The following TMEM94 variants were observed in gnomAD, a reference collection of about 807,000 sequenced individuals.
TMEM94 encodes the protein ER Mg2+ ATPase.
In TMEM94, 81 loss-of-function variants were observed where a neutral mutation model predicts 158.6. That is an observed-to-expected ratio of 0.51 (90% confidence interval 0.43 to 0.61). TMEM94 has a LOEUF of 0.61. Among genes scored for constraint, TMEM94 ranks in the 20% least tolerant of loss-of-function variants. TMEM94 has a pLI of 0.00. For missense variants in TMEM94, 1,435 were observed against 1,762.0 expected (o/e 0.81, Z 3.32); for synonymous variants, 751 against 730.7 (o/e 1.03, Z -0.45).
At chr17:75,472,159 G>A (rs998811600) in intron 2 of TMEM94, among the ~76,000 whole-genome samples, 1 of 152,284 alleles carries the variant, frequency 6.6e-6, no homozygotes, top group Middle Eastern at 3.4e-3. Context: ...AACCGCATGG[G>A]AGCAGGGTTT....
At chr17:75,476,975 G>C (rs1274133593) in intron 2 of TMEM94, among the ~76,000 whole-genome samples, 1 of 152,174 alleles carries the variant, frequency 6.6e-6, no homozygotes, top group Non-Finnish European at 1.5e-5. Flanking sequence ...CCCAGAGCAG[G>C]ACTGGACCCA....
In TMEM94 at chr17:75,482,232, G is replaced by A. The variant is rs181847390; in HGVS notation, c.25-3196G>A. Among the ~76,000 whole-genome samples the A allele has an allele frequency of 3.0e-3, 458 of 152,212 alleles. 2 individuals carry two copies. The highest frequency in any genetic ancestry group is 0.01 in the African/African-American group (433 of 41,534). On this transcript the variant is annotated intron_variant, in intron 2 of 31. Transcript: ENST00000314256. The stretch of plus-strand genomic sequence containing the variant: ...GTGGCAGCATGTGCCTGTAGTCCCA[G>A]CTGCTCGGGAGGCTGAGGCAGGAGA...
chr17:75,475,275 C>T (rs2050639634), intron 2 of TMEM94, among the ~76,000 whole-genome samples: 1 of 152,192 alleles, frequency 6.6e-6, no homozygotes, highest in African/African-American at 2.4e-5. Context: ...TCTCACTCAG[C>T]ACTCTGTTTG....
intron 1 of TMEM94, among the ~76,000 whole-genome samples, chr17:75,462,680 T>G (rs2146035097): frequency 6.7e-6 from 1 of 150,342 alleles, no homozygotes; most frequent in African/African-American, 2.4e-5. Context: ...CCATCTCTAT[T>G]AAAAAAAATT....
At chr17:75,472,251 G>A (rs1312122545) in intron 2 of TMEM94, among the ~76,000 whole-genome samples, 3 of 152,304 alleles carry the variant, frequency 2.0e-5, no homozygotes, top group East Asian at 1.9e-4. Context: ...TTGCTAGGGC[G>A]ATGTCCTAAC....
chr17:75,491,331 T>C lies in TMEM94; in HGVS notation c.1262T>C (p.Ile421Thr). 3 of 1,614,114 alleles carry C rather than the reference T, an allele frequency of 1.9e-6. No homozygotes were observed. The highest frequency in any genetic ancestry group is 2.5e-6 in the Non-Finnish European group (3 of 1,180,008). ...TVLCCVDKQGILSWPNPSPET... is the reference protein window; with the variant it reads ...TVLCCVDKQGTLSWPNPSPET... ...CTGTGCTGTGTGGACAAACAGGGGA[T>C]CCTGTCATGGCCAAATCCCAGCCCA... The change falls in exon 13 of 32, where the codon ATC (isoleucine) becomes ACC (threonine). Residue 421 changes from isoleucine (I) to threonine (T), a missense_variant. Transcript: ENST00000314256. The surrounding 1 kb of genome is among the most constrained non-coding windows in gnomAD (Gnocchi z 5.1).
chr17:75,490,307 C>T lies in TMEM94; in HGVS notation c.1028C>T (p.Ala343Val). 1 of 1,614,124 alleles carries T rather than the reference C, an allele frequency of 6.2e-7. No individual in the cohort carries two copies. The highest frequency in any genetic ancestry group is 8.5e-7 in the Non-Finnish European group (1 of 1,180,030). ...GTTCTGGCAACTGCCTGTGGAGAGG[C>T]CCGTGTCCTGGCCCAGATGAGCAAG... ...LWVLATACGE[A>V]RVLAQMSKAS... is the part of the protein sequence containing the mutation. Residue 343 changes from alanine (A) to valine (V), a missense_variant, in exon 10 of 32, where the codon GCC becomes GTC. Transcript: ENST00000314256.
chr17:75,460,501 A>G (rs2050028335), intron 1 of TMEM94, among the ~76,000 whole-genome samples: 1 of 151,580 alleles, frequency 6.6e-6, no homozygotes, highest in African/African-American at 2.4e-5. Flanking sequence ...CAAAATCAGA[A>G]TCAGGAGCTG....
rs771484655 is a variant in TMEM94, at chr17:75,492,767, C to G, written c.1890C>G (p.Leu630=). The G allele has an allele frequency of 1.9e-6, 3 of 1,607,126 alleles. No homozygotes were observed. Among genetic ancestry groups the G allele is most frequent in the Non-Finnish European group, 2.5e-6 (3 of 1,179,440 alleles). ...AVLPVHVPWG[L]CELARLIGFT... ...TGCCCGTCCATGTGCCCTGGGGCCT[C>G]TGCGAGCTTGCCCGCCTCATTGGTA... Residue 630 remains leucine, a synonymous_variant, in exon 15 of 32, where the codon CTC becomes CTG. Coordinates refer to ENST00000314256, the MANE Select transcript of TMEM94 (RefSeq NM_014738.6). The surrounding 1 kb of genome is among the most constrained non-coding windows in gnomAD (Gnocchi z 4.4).
At chr17:75,479,725 C>T (rs1567927304) in intron 2 of TMEM94, among the ~76,000 whole-genome samples, 1 of 152,060 alleles carries the variant, frequency 6.6e-6, no homozygotes, top group Non-Finnish European at 1.5e-5. Context: ...CAAGACCAGC[C>T]TGGGCAACAT....
In TMEM94 at chr17:75,499,853, GGA is replaced by G. The variant is rs1457025328; in HGVS notation, c.*521_*522del. On this transcript the variant is annotated 3_prime_UTR_variant, in exon 32 of 32. Coordinates refer to ENST00000314256, the MANE Select transcript of TMEM94 (RefSeq NM_014738.6). ...TGCCTCCCCTCCCTCCCTCTGTGGG[GGA>G]GTCTCCCGCCTGAACCTGAAGATGG... 6.3e-6 allele frequency: 1 copy of G among 158,474 alleles called. No homozygotes were observed. Among genetic ancestry groups the G allele is most frequent in the Non-Finnish European group, 1.4e-5 (1 of 71,254 alleles). 9.8% of individuals were successfully genotyped at this position (158,474 alleles called of 1,614,324 possible). A position where few individuals can be genotyped will look rare whatever the true frequency, so the allele number is the denominator to read the frequency against.
At chr17:75,475,753 G>A (rs1409460567) in intron 2 of TMEM94, among the ~76,000 whole-genome samples, 1 of 152,200 alleles carries the variant, frequency 6.6e-6, no homozygotes, top group Non-Finnish European at 1.5e-5. Flanking sequence ...CAGCACTTGG[G>A]CCGGTGTGTC....
intron 2 of TMEM94, among the ~76,000 whole-genome samples, chr17:75,478,329 TAAAAA>T: frequency 1.0e-5 from 1 of 97,562 alleles, no homozygotes; most frequent in African/African-American, 3.9e-5. Flanking sequence ...GACTCCATCT[TAAAAA>T]AAAAAAAAAA....
At chr17:75,490,172 T>G (rs2052032294) in intron 9 of TMEM94, 62 bp from the exon 10 acceptor site, 1 of 1,583,434 alleles carries the variant, frequency 6.3e-7, no homozygotes, top group Non-Finnish European at 8.6e-7. Context: ...GGGCAGCCCT[T>G]CCCTTCCCTC....
Position 75,498,235 on chromosome 17 carries a change from C to T in TMEM94, c.3550C>T (p.Leu1184Phe). The T allele has an allele frequency of 6.2e-7, 1 of 1,613,932 alleles. No homozygotes were observed. The highest frequency in any genetic ancestry group is 8.5e-7 in the Non-Finnish European group (1 of 1,180,028). The change falls in exon 28 of 32, where the codon CTC (leucine) becomes TTC (phenylalanine). Residue 1184 changes from leucine to phenylalanine, a missense_variant. This residue lies in a region of TMEM94 where 335 missense variants were observed against 409.1 expected (regional missense o/e 0.82). Coordinates refer to ENST00000314256, the MANE Select transcript of TMEM94 (RefSeq NM_014738.6). This position sits in a 1 kb window ranked among gnomAD's most constrained non-coding sequence, Gnocchi z 6.7. ...LKFSLTISSC[L>F]ICFGFTLQSF... ...GTTCAGCCTCACCATCAGCTCCTGCCTCATCTGCTTTGGCTTCACACTGCA... is the reference window on the plus strand; with the variant it reads ...GTTCAGCCTCACCATCAGCTCCTGCTTCATCTGCTTTGGCTTCACACTGCA...
Position 75,495,363 on chromosome 17 carries a change from C to T in TMEM94, c.2808C>T (p.Asp936=). ...HSDLISFQPT[D]SDIPSFLEDS... ...ACCTCATCAGCTTCCAGCCTACGGACAGCGACATCCCCAGCTTCCTGGAGG... is the reference window on the plus strand; with the variant it reads ...ACCTCATCAGCTTCCAGCCTACGGATAGCGACATCCCCAGCTTCCTGGAGG... The change falls in exon 21 of 32, where the codon GAC becomes GAT. Residue 936 remains aspartate (D), a synonymous_variant. Coordinates refer to ENST00000314256, the MANE Select transcript of TMEM94 (RefSeq NM_014738.6). This position sits in a 1 kb window ranked among gnomAD's most constrained non-coding sequence, Gnocchi z 5.6. The T allele has an allele frequency of 1.2e-6, 2 of 1,613,950 alleles. No individual in the cohort carries two copies. The highest frequency in any genetic ancestry group is 1.1e-5 in the South Asian group (1 of 91,080).
At chr17:75,496,138 G>C (rs2052655008) in intron 23 of TMEM94, 64 bp downstream of exon 23, 7 of 1,513,148 alleles carry the variant, frequency 4.6e-6, no homozygotes, top group Non-Finnish European at 5.4e-6. Flanking sequence ...GATCAGATGG[G>C]CCTGCGTGGG....
At position 75,495,072 on chromosome 17, in the gene TMEM94, T is replaced by TGGGGGG; in HGVS notation, c.2728+41_2728+42insGGGGGG. 1.1e-6 allele frequency: 1 copy of TGGGGGG among 893,452 alleles called. No homozygotes were observed. Among genetic ancestry groups the TGGGGGG allele is most frequent in the Non-Finnish European group, 1.8e-6 (1 of 567,640 alleles). The allele number at this position is 893,452 out of a possible 1,614,324, so 55.3% of individuals were successfully genotyped here. On this transcript the variant is annotated intron_variant, in intron 20 of 31. Transcript: ENST00000314256. This position sits in a 1 kb window ranked among gnomAD's most constrained non-coding sequence, Gnocchi z 5.6. ...GCGTGGGGTGGGGACGGGGTGGCGG[T>TGGGGGG]GGGAGGATTCCCCTCCTCAGAGCCA...
At position 75,491,102 on chromosome 17, in the gene TMEM94, G is replaced by A. The variant is rs112425690; in HGVS notation, c.1182G>A (p.Ser394=). 2.3e-4 allele frequency: 377 copies of A among 1,613,432 alleles called. 1 individual carries two copies. In the African/African-American group the frequency reaches 4.2e-3, roughly 18 times the overall value. Residue 394 remains serine, a synonymous_variant, in exon 12 of 32, where the codon TCG becomes TCA. Transcript: ENST00000314256. The surrounding 1 kb of genome is among the most constrained non-coding windows in gnomAD (Gnocchi z 5.1). ...GHFLRVLGGT[S]PTLSHSSSLL... ...TCCTGAGGGTGCTCGGGGGGACATC[G>A]CCAACGCTGAGCCACAGTTCCAGCC... is the stretch of plus-strand genomic sequence containing the variant.
Sources: allele counts gnomAD v4.1 joint callset (sites outside exome capture counted in the v4.1 genomes callset), GRCh38; gene constraint gnomAD v4.1.1; regional missense constraint gnomAD v4.1.1; non-coding constraint Gnocchi (gnomAD v3.1); transcripts MANE v1.5; gene names NCBI Gene and HGNC (gene_info 2026-07-23, HGNC 2026-07-21).